Variants in MAST4 observed in about 807,000 individuals in gnomAD.
The protein encoded by MAST4 is microtubule associated serine/threonine kinase family member 4, also known as microtubule-associated serine/threonine-protein kinase 4.
In MAST4, 89 loss-of-function variants were observed where a neutral mutation model predicts 162.7. The ratio of observed to expected loss-of-function variants is 0.55; its 90% confidence interval spans 0.46 to 0.65. The LOEUF (loss-of-function observed/expected upper bound fraction) is 0.65, where lower values mean the gene tolerates loss of function less well. Among genes scored for constraint, MAST4 ranks in the 30% least tolerant of loss-of-function variants. MAST4 has a pLI of 0.00. For synonymous variants in MAST4, 1,479 were observed against 1,361.1 expected (o/e 1.09, Z -1.91); for missense variants, 3,153 against 3,374.0 (o/e 0.93, Z 1.62).
chr5:67,085,410 T>C (rs1763131404), intron 5 of MAST4, among the ~76,000 whole-genome samples: 1 of 152,198 alleles, frequency 6.6e-6, no homozygotes, highest in Non-Finnish European at 1.5e-5. Context: ...AGAAGGCTCT[T>C]TCTAAAACGT....
In MAST4 at chr5:67,168,919, G is replaced by T. The variant is rs1447156530; in HGVS notation, c.*1868G>T. On this transcript the variant is annotated 3_prime_UTR_variant, in exon 29 of 29. Coordinates refer to ENST00000403625, the MANE Select transcript of MAST4 (RefSeq NM_001164664.2). Reference sequence around the variant, plus strand: ...AAAAAAACAAACAAAAAAAGAAAAAGAAAAAAGCCTCCTCCTTGCCCCTAA... The same window carrying T: ...AAAAAAACAAACAAAAAAAGAAAAATAAAAAAGCCTCCTCCTTGCCCCTAA... The T allele has an allele frequency of 6.6e-6, 1 of 152,018 alleles. No individual in the cohort carries two copies. The highest frequency in any genetic ancestry group is 1.5e-5 in the Non-Finnish European group (1 of 67,978). 9.4% of individuals were successfully genotyped at this position (152,018 alleles called of 1,614,324 possible). A position where few individuals can be genotyped will look rare whatever the true frequency, so the allele number is the denominator to read the frequency against.
intron 4 of MAST4, among the ~76,000 whole-genome samples, chr5:66,940,305 A>G (rs939577003): frequency 8.5e-5 from 13 of 152,226 alleles, no homozygotes; most frequent in Admixed American, 2.6e-4. Flanking sequence ...TAATTCAACA[A>G]TGAGGTTGCC....
At chr5:66,925,743 T>G (rs1373659528) in intron 4 of MAST4, among the ~76,000 whole-genome samples, 2 of 152,154 alleles carry the variant, frequency 1.3e-5, no homozygotes, top group Non-Finnish European at 2.9e-5. Flanking sequence ...CATAAATATT[T>G]GTAGAATATT....
intron 1 of MAST4, among the ~76,000 whole-genome samples, chr5:66,731,795 T>TTG (rs1342621406): frequency 6.6e-6 from 1 of 152,020 alleles, no homozygotes; most frequent in African/African-American, 2.4e-5. Context: ...ACCTGCTTTC[T>TTG]TGATAAATCC....
chr5:67,000,726 C>A (rs147237301), intron 4 of MAST4, among the ~76,000 whole-genome samples: 2 of 144,706 alleles, frequency 1.4e-5, no homozygotes, highest in South Asian at 2.2e-4. Context: ...CCAGCCTGGG[C>A]GACAAGAGTG....
intron 4 of MAST4, among the ~76,000 whole-genome samples, chr5:66,924,682 C>T (rs1053437628): frequency 1.3e-5 from 2 of 152,040 alleles, no homozygotes; most frequent in Non-Finnish European, 2.9e-5. Context: ...TGTGAGCCAC[C>T]GCACTGGGCC....
chr5:66,959,641 T>G (rs1016876287), intron 4 of MAST4, among the ~76,000 whole-genome samples: 5 of 152,256 alleles, frequency 3.3e-5, no homozygotes, highest in African/African-American at 9.6e-5. Context: ...ATGTTGCCTT[T>G]TTCTAAAGAA....
chr5:66,919,910 TTCCTTCCTTCCTTCCTTCCTTCCTTCC>T (rs1764390761), intron 4 of MAST4, among the ~76,000 whole-genome samples: 2 of 3,708 alleles, frequency 5.4e-4, no homozygotes, highest in African/African-American at 1.4e-3. Flanking sequence ...CCTTCCTTCC[TTCCTTCCTTCCTTCCTTCCTTCCTTCC>T]TTCCTTCCTT....
chr5:66,901,163 C>T (rs1041919726), intron 4 of MAST4, among the ~76,000 whole-genome samples: 2 of 152,076 alleles, frequency 1.3e-5, no homozygotes, highest in South Asian at 2.1e-4. Context: ...TAGAAAACTA[C>T]ATGAAATACT....
In MAST4 at chr5:66,743,064, G is replaced by A. The variant is rs754052855; in HGVS notation, c.364-16645G>A. Among the ~76,000 whole-genome samples, 9 of 152,124 alleles carry A rather than the reference G, an allele frequency of 5.9e-5. No homozygotes were observed. In the East Asian group the frequency reaches 1.3e-3, roughly 23 times the overall value. On this transcript the variant is annotated intron_variant, in intron 1 of 28. Transcript: ENST00000403625. ...TGGCCTGGAAGCTTCCACTCCCTGC[G>A]CGGCTCACCAGCTTCCTTCCTTTTG...
At chr5:66,756,030 C>T (rs1227953635) in intron 1 of MAST4, among the ~76,000 whole-genome samples, 2 of 152,282 alleles carry the variant, frequency 1.3e-5, no homozygotes, top group African/African-American at 4.8e-5. Context: ...AACTTTCTTT[C>T]AATTCTGCCT....
At chr5:67,009,002 G>A (rs1477483671) in intron 4 of MAST4, among the ~76,000 whole-genome samples, 1 of 152,134 alleles carries the variant, frequency 6.6e-6, no homozygotes, top group South Asian at 2.1e-4. Context: ...TATTCCAGGT[G>A]TTAGTAAACC....
At chr5:66,634,946 G>T (rs1745011802) in intron 1 of MAST4, among the ~76,000 whole-genome samples, 1 of 152,220 alleles carries the variant, frequency 6.6e-6, no homozygotes, top group Non-Finnish European at 1.5e-5. Context: ...TGCTCCAGAT[G>T]TGGCCAGATG....
chr5:66,940,727 C>T (rs569768305), intron 4 of MAST4, among the ~76,000 whole-genome samples: 2 of 152,196 alleles, frequency 1.3e-5, no homozygotes, highest in South Asian at 2.1e-4. Flanking sequence ...CAATTTCTTC[C>T]ACACTTCTGT....
Position 66,759,767 on chromosome 5 carries a change from T to A in MAST4, c.422T>A (p.Val141Glu), listed in dbSNP as rs756710665. The part of the protein sequence containing the change: ...MPFRKCSNPD[V>E]ASGPGKSLKY... ...TTTCGGAAATGCAGCAACCCAGATG[T>A]GGCTTCTGGCCCTGGAAAATCACTG... Residue 141 changes from valine to glutamate, a missense_variant, in exon 2 of 29, where the codon GTG (valine) becomes GAG (glutamate). Around this residue, in one of 7 missense-constraint regions of MAST4, gnomAD observed 327 missense variants for 336.5 expected, o/e 0.97. Transcript: ENST00000403625. 12 of 1,613,884 alleles carry A rather than the reference T, an allele frequency of 7.4e-6. No homozygotes were observed. Among genetic ancestry groups the A allele is most frequent in the Non-Finnish European group, 1.0e-5 (12 of 1,179,892 alleles).
intron 1 of MAST4, among the ~76,000 whole-genome samples, chr5:66,604,278 G>C (rs1370086011): frequency 6.6e-6 from 1 of 152,192 alleles, no homozygotes; most frequent in Non-Finnish European, 1.5e-5. Flanking sequence ...ATGTCTGTGA[G>C]ACAGCTTATA....
chr5:66,801,519 G>C (rs1276099905), intron 3 of MAST4, among the ~76,000 whole-genome samples: 1 of 152,212 alleles, frequency 6.6e-6, no homozygotes, highest in Non-Finnish European at 1.5e-5. Context: ...AACCCCAGTT[G>C]ATTATATTGT....
In MAST4 at chr5:67,165,943, G is replaced by A; in HGVS notation, c.6764G>A (p.Gly2255Asp). 6.2e-7 allele frequency: 1 copy of A among 1,613,424 alleles called. No homozygotes were observed. Among genetic ancestry groups the A allele is most frequent in the Non-Finnish European group, 8.5e-7 (1 of 1,179,848 alleles). ...CCGGATGTGTTTCCTGCTACCCCAGGCTCCCAGAACAAAGCCAGCGATGGG... is the reference window on the plus strand; with the variant it reads ...CCGGATGTGTTTCCTGCTACCCCAGACTCCCAGAACAAAGCCAGCGATGGG... ...SGPDVFPATP[G>D]SQNKASDGIG... is the part of the protein sequence containing the mutation. The change falls in exon 29 of 29, where the codon GGC (glycine) becomes GAC (aspartate). Residue 2255 changes from glycine to aspartate, a missense_variant. Gly to Asp is a moderately conservative substitution (Grantham distance 94). Around this residue, in one of 7 missense-constraint regions of MAST4, gnomAD observed 1,644 missense variants for 1,495.0 expected, o/e 1.10. Transcript: ENST00000403625.
intron 1 of MAST4, among the ~76,000 whole-genome samples, chr5:66,623,583 T>C (rs1298039810): frequency 6.6e-6 from 1 of 152,166 alleles, no homozygotes; most frequent in East Asian, 1.9e-4. Context: ...TAACATTATT[T>C]TATGATTAAA....
Sources: allele counts gnomAD v4.1 joint callset (sites outside exome capture counted in the v4.1 genomes callset), GRCh38; gene constraint gnomAD v4.1.1; regional missense constraint gnomAD v4.1.1; transcripts MANE v1.5; gene names NCBI Gene and HGNC (gene_info 2026-07-23, HGNC 2026-07-21).